Variants in FOXP4 observed in about 807,000 individuals in gnomAD.
The protein encoded by FOXP4 is forkhead box P4.
A neutral mutation model predicts 82.6 loss-of-function variants in FOXP4; 25 were observed. The ratio of observed to expected loss-of-function variants is 0.30; its 90% confidence interval spans 0.22 to 0.42. The LOEUF (loss-of-function observed/expected upper bound fraction) is 0.42, where lower values mean the gene tolerates loss of function less well. Ranked by LOEUF, FOXP4 falls within the 10% of genes least tolerant of loss-of-function variation. FOXP4 has a pLI of 1.00. For missense variants in FOXP4, 785 were observed against 900.9 expected, an observed-to-expected ratio of 0.87 and a Z score of 1.65; for synonymous variants, 415 against 388.2, an observed-to-expected ratio of 1.07 and a Z score of -0.81.
chr6:41,597,105 T>G, intron 14 of FOXP4, 71 bp from the exon 15 acceptor site: 47 of 1,508,724 alleles, frequency 3.1e-5, no homozygotes, highest in African/African-American at 4.1e-5. Context: ...CGTTACTTAG[T>G]GAGAGTAAAG....
chr6:41,594,560 C>T (rs547175971), intron 13 of FOXP4, among the ~76,000 whole-genome samples: 2 of 152,280 alleles, frequency 1.3e-5, no homozygotes, highest in East Asian at 3.9e-4. Flanking sequence ...GATGATGAAA[C>T]AGATTATTAC....
intron 1 of FOXP4, among the ~76,000 whole-genome samples, chr6:41,562,216 T>TG (rs1252245068): frequency 6.6e-6 from 1 of 152,060 alleles, no homozygotes; most frequent in African/African-American, 2.4e-5. Flanking sequence ...CATGCAGGTT[T>TG]GGGGGGTATG....
At chr6:41,570,117 CG>C in intron 2 of FOXP4, 1 of 351,032 alleles carries the variant, frequency 2.8e-6, no homozygotes, top group South Asian at 2.2e-5. Flanking sequence ...CACACACACA[CG>C]CAGTCAACAG....
At chr6:41,598,615 A>C (rs1048485690) in intron 16 of FOXP4, 174 bp from the exon 17 acceptor site, 1 of 898,618 alleles carries the variant, frequency 1.1e-6, no homozygotes, top group Non-Finnish European at 1.7e-6. Context: ...CCCCAGGACC[A>C]GCTTTTCTTT....
Position 41,591,006 on chromosome 6 carries a change from G to A in FOXP4, c.1435-215G>A, listed in dbSNP as rs1306606261. ...AAATACATAGCCCTTGGAGGCTCCTGCCCTCTTTATCCTTGGCCAAGCTAT... is the reference window on the plus strand; with the variant it reads ...AAATACATAGCCCTTGGAGGCTCCTACCCTCTTTATCCTTGGCCAAGCTAT... On this transcript the variant is annotated intron_variant, in intron 12 of 16. Transcript: ENST00000307972. The surrounding 1 kb of genome is among the most constrained non-coding windows in gnomAD (Gnocchi z 4.2). Among the ~76,000 whole-genome samples, 2 of 152,164 alleles carry A rather than the reference G, an allele frequency of 1.3e-5. No homozygotes were observed. Among genetic ancestry groups the A allele is most frequent in the Non-Finnish European group, 2.9e-5 (2 of 68,018 alleles).
At chr6:41,570,367 A>G (rs1378912298) in intron 2 of FOXP4, 1 of 471,260 alleles carries the variant, frequency 2.1e-6, no homozygotes, top group East Asian at 6.9e-5. Flanking sequence ...ATGCTCAGAA[A>G]CTGCCCTTTC....
At chr6:41,554,106 C>A (rs1297586918) in intron 1 of FOXP4, among the ~76,000 whole-genome samples, 2 of 152,100 alleles carry the variant, frequency 1.3e-5, no homozygotes, top group Non-Finnish European at 2.9e-5. Context: ...CCACAACAAC[C>A]CTGAAAGATT....
intron 1 of FOXP4, among the ~76,000 whole-genome samples, chr6:41,562,106 G>A (rs1764615757): frequency 2.0e-5 from 3 of 152,262 alleles, no homozygotes. Context: ...GCCCTGTGGA[G>A]AGGTGGGCAG....
At position 41,599,040 on chromosome 6, in the gene FOXP4, C is replaced by A; in HGVS notation, c.*104C>A. The A allele has an allele frequency of 1.4e-6, 2 of 1,428,896 alleles. No individual in the cohort carries two copies. Among genetic ancestry groups the A allele is most frequent in the Non-Finnish European group, 1.8e-6 (2 of 1,081,358 alleles). 88.5% of individuals were successfully genotyped at this position (1,428,896 alleles called of 1,614,324 possible). ...CCCCTCCCGAGCCTCAAGGCAAGTC[C>A]AGGACTCAGACCGGGGAGGCCCGGG... On this transcript the variant is annotated 3_prime_UTR_variant, in exon 17 of 17. Transcript: ENST00000307972.
Position 41,597,909 on chromosome 6 carries a change from C to A in FOXP4, c.1854C>A (p.Asn618Lys). Reference sequence around the variant, plus strand: ...CCCCCGTGGAGCCGCTGCCCAGCAACGGCAGCAGCAGCCCTCCTCGCCTCT... The same window carrying A: ...CCCCCGTGGAGCCGCTGCCCAGCAAAGGCAGCAGCAGCCCTCCTCGCCTCT... ...VGAPVEPLPSNGSSSPPRLSP... is the reference protein window; with the variant it reads ...VGAPVEPLPSKGSSSPPRLSP... Residue 618 changes from asparagine (N) to lysine (K), a missense_variant, in exon 16 of 17, where the codon AAC becomes AAA. By Grantham distance (94) the Asn-to-Lys change is moderately conservative. Coordinates refer to ENST00000307972, the MANE Select transcript of FOXP4 (RefSeq NM_001012426.2). 2 of 1,582,654 alleles carry A rather than the reference C, an allele frequency of 1.3e-6. No individual in the cohort carries two copies. Among genetic ancestry groups the A allele is most frequent in the South Asian group, 1.1e-5 (1 of 87,858 alleles).
rs750775706 is a variant in FOXP4 at position 41,584,812 on chromosome 6, C to T, written c.344C>T (p.Pro115Leu). The T allele has an allele frequency of 5.0e-6, 8 of 1,605,598 alleles. No individual in the cohort carries two copies. The highest frequency in any genetic ancestry group is 1.3e-5 in the African/African-American group (1 of 74,722). Residue 115 changes from proline to leucine, a missense_variant, in exon 4 of 17, where the codon CCG (proline) becomes CTG (leucine). This residue lies in a region of FOXP4 where 570 missense variants were observed against 634.0 expected (regional missense o/e 0.90). Coordinates refer to ENST00000307972, the MANE Select transcript of FOXP4 (RefSeq NM_001012426.2). Reference protein sequence around the residue: ...VAMMSPQMLTPQQMQQILSPP... With the variant: ...VAMMSPQMLTLQQMQQILSPP... ...ATGATGTCGCCGCAGATGCTTACCC[C>T]GCAACAGATGCAGCAGATCCTGTCG... is the stretch of plus-strand genomic sequence containing the variant.
intron 1 of FOXP4, among the ~76,000 whole-genome samples, chr6:41,555,655 G>A (rs1299378595): frequency 6.6e-6 from 1 of 152,166 alleles, no homozygotes; most frequent in Non-Finnish European, 1.5e-5. Flanking sequence ...CACATAAGAC[G>A]TCACTATTTA....
chr6:41,561,109 A>T (rs1345636723), intron 1 of FOXP4, among the ~76,000 whole-genome samples: 1 of 152,198 alleles, frequency 6.6e-6, no homozygotes. Flanking sequence ...CGGCCCGCAG[A>T]CTGCCTCAGA....
chr6:41,560,019 T>A (rs1018517727), intron 1 of FOXP4, among the ~76,000 whole-genome samples: 4 of 152,244 alleles, frequency 2.6e-5, no homozygotes, highest in South Asian at 2.1e-4. Flanking sequence ...AAATCTTACC[T>A]CTTATTGCAA....
Position 41,597,894 on chromosome 6 carries a change from G to A in FOXP4, c.1839G>A (p.Glu613=), listed in dbSNP as rs145136057. ...LSHDDVGAPV[E]PLPSNGSSSP... ...ACGATGACGTGGGTGCCCCCGTGGA[G>A]CCGCTGCCCAGCAACGGCAGCAGCA... The change falls in exon 16 of 17, where the codon GAG becomes GAA. Residue 613 remains glutamate (E), a synonymous_variant. Transcript: ENST00000307972. 6.3e-7 allele frequency: 1 copy of A among 1,589,864 alleles called. No homozygotes were observed. The highest frequency in any genetic ancestry group is 8.5e-7 in the Non-Finnish European group (1 of 1,173,716).
In FOXP4 at chr6:41,591,396, G is replaced by A; in HGVS notation, c.1536+74G>A. ...GCCATATCCCATGGAGACCAAGGCT[G>A]CCTAACAATTAGTTCCCTAAACCAT... On this transcript the variant is annotated intron_variant, in intron 13 of 16. Coordinates refer to ENST00000307972, the MANE Select transcript of FOXP4 (RefSeq NM_001012426.2). The surrounding 1 kb of genome is among the most constrained non-coding windows in gnomAD (Gnocchi z 4.2). 7.7e-7 allele frequency: 1 copy of A among 1,292,668 alleles called. No individual in the cohort carries two copies. Among genetic ancestry groups the A allele is most frequent in the Non-Finnish European group, 1.1e-6 (1 of 918,216 alleles). The allele number at this position is 1,292,668 out of a possible 1,614,324, so 80.1% of individuals were successfully genotyped here.
chr6:41,584,738 G>C, intron 3 of FOXP4, 31 bp from the exon 4 acceptor site: 1 of 1,553,106 alleles, frequency 6.4e-7, no homozygotes, highest in Non-Finnish European at 8.7e-7. Flanking sequence ...TTGGGGTCCA[G>C]GGGACAGGGC....
chr6:41,587,033 T>A lies in FOXP4; in HGVS notation c.535T>A (p.Phe179Ile). ...GGCACTGGGGAACAAGCAGCTGGCC[T>A]TCCAGCAGCAGCTCCTGCAAATGCA... Reference protein sequence around the residue: ...KEALGNKQLAFQQQLLQMQQL... With the variant: ...KEALGNKQLAIQQQLLQMQQL... The change falls in exon 6 of 17, where the codon TTC becomes ATC. Residue 179 changes from phenylalanine (F) to isoleucine (I), a missense_variant. Physicochemically the swap from Phe to Ile is conservative, Grantham distance 21. Transcript: ENST00000307972. The A allele has an allele frequency of 1.3e-6, 2 of 1,598,594 alleles. No homozygotes were observed. Among genetic ancestry groups the A allele is most frequent in the Non-Finnish European group, 1.7e-6 (2 of 1,168,968 alleles).
Position 41,587,418 on chromosome 6 carries a change from A to C in FOXP4, c.778A>C (p.Thr260Pro). The change falls in exon 7 of 17, where the codon ACC becomes CCC. Residue 260 changes from threonine to proline, a missense_variant. Transcript: ENST00000307972. ...LDLTGTAATA[T>P]SFAAPPKVSP... ...CCTCACTGGCACGGCCGCCACCGCTACCTCGTTTGCCGCTCCCCCCAAGGT... is the reference window on the plus strand; with the variant it reads ...CCTCACTGGCACGGCCGCCACCGCTCCCTCGTTTGCCGCTCCCCCCAAGGT... 6.3e-7 allele frequency: 1 copy of C among 1,581,764 alleles called. No individual in the cohort carries two copies. Among genetic ancestry groups the C allele is most frequent in the Non-Finnish European group, 8.6e-7 (1 of 1,163,466 alleles).
Sources: gnomAD v4.1 joint callset for allele counts (sites outside exome capture counted in the v4.1 genomes callset) on GRCh38, gnomAD v4.1.1 for gene constraint, gnomAD v4.1.1 regional missense constraint, Gnocchi (gnomAD v3.1) non-coding constraint, MANE v1.5 for transcripts, NCBI Gene and HGNC (gene_info 2026-07-23, HGNC 2026-07-21) for gene names.